The following SDK2 variants were observed in gnomAD, a reference collection of about 807,000 sequenced individuals.
The protein encoded by SDK2 is protein sidekick-2.
Under a neutral mutation model 253.9 loss-of-function variants are expected in SDK2, and 105 were observed. The ratio of observed to expected loss-of-function variants is 0.41; its 90% CI spans 0.35 to 0.49. The LOEUF (loss-of-function observed/expected upper bound fraction) is 0.49. Among genes scored for constraint, SDK2 ranks in the 20% least tolerant of loss-of-function variants. The pLI is 0.06. For missense variants in SDK2, 2,608 were observed against 3,003.0 expected (o/e 0.87, Z 3.07); for synonymous variants, 1,249 against 1,234.9 (o/e 1.01, Z -0.24).
Position 73,447,645 on chromosome 17 carries a change from T to C in SDK2, c.583A>G (p.Thr195Ala), listed in dbSNP as rs767139377. ...ACGGTGAGCGTGATGGGCTGGCTGG[T>C]CTTGTTATCCCCGTTTTTGTCGTTA... ...AVNDKNGDNK[T>A]SQPITLTVEN... is the part of the protein sequence containing the mutation. The change falls in exon 5 of 45, where the codon ACC becomes GCC. Residue 195 changes from threonine (T) to alanine (A), a missense_variant. This residue lies in a region of SDK2 where 1,505 missense variants were observed against 1,859.1 expected (regional missense o/e 0.81). Transcript: ENST00000392650. The surrounding 1 kb of genome is among the most constrained non-coding windows in gnomAD (Gnocchi z 4.0). The C allele has an allele frequency of 6.4e-7, 1 of 1,551,748 alleles. No individual in the cohort carries two copies. The highest frequency in any genetic ancestry group is 8.7e-7 in the Non-Finnish European group (1 of 1,147,018).
At chr17:73,588,784 C>T (rs1052295587) in intron 1 of SDK2, among the ~76,000 whole-genome samples, 18 of 152,222 alleles carry the variant, frequency 1.2e-4, no homozygotes, top group African/African-American at 3.9e-4. Flanking sequence ...AGGGCCGGGG[C>T]GGCACAGTTC....
intron 2 of SDK2, among the ~76,000 whole-genome samples, chr17:73,499,953 G>T (rs2063873611): frequency 6.6e-6 from 1 of 150,550 alleles, no homozygotes; most frequent in African/African-American, 2.4e-5. Context: ...TCTTCTATTC[G>T]ATTTTAAGTG....
chr17:73,632,946 T>C (rs1197408932), intron 1 of SDK2, among the ~76,000 whole-genome samples: 4 of 152,112 alleles, frequency 2.6e-5, no homozygotes, highest in Admixed American at 2.6e-4. Flanking sequence ...TGGGATAGAA[T>C]TTAGATAGCC....
chr17:73,596,570 G>A (rs2045761621), intron 1 of SDK2, among the ~76,000 whole-genome samples: 1 of 152,188 alleles, frequency 6.6e-6, no homozygotes, highest in Non-Finnish European at 1.5e-5. Flanking sequence ...GGGGGCGCTG[G>A]CTCATGATGT....
At chr17:73,545,539 CAAGCA>C (rs1199605129) in intron 1 of SDK2, among the ~76,000 whole-genome samples, 2 of 152,138 alleles carry the variant, frequency 1.3e-5, no homozygotes, top group African/African-American at 4.8e-5. Context: ...TGCCCTGCCG[CAAGCA>C]GGCAAAGGGA....
intron 2 of SDK2, among the ~76,000 whole-genome samples, chr17:73,473,246 T>A (rs2063664398): frequency 6.6e-6 from 1 of 152,084 alleles, no homozygotes; most frequent in Non-Finnish European, 1.5e-5. Flanking sequence ...TGGGAGCAGG[T>A]GTATGTACAT....
At position 73,383,615 on chromosome 17, in the gene SDK2, C is replaced by T. The variant is rs1409960144; in HGVS notation, c.4705+261G>A. On this transcript the variant is annotated intron_variant, in intron 33 of 44. Transcript: ENST00000392650. This position sits in a 1 kb window ranked among gnomAD's most constrained non-coding sequence, Gnocchi z 4.3. The stretch of plus-strand genomic sequence containing the variant: ...CTTCCCAGCTCGCCTGGCTCCTCCT[C>T]CAGCCTGCAACTCCAAGAGGGCAGG... 6.6e-6 allele frequency among the ~76,000 whole-genome samples: 1 copy of T among 152,224 alleles called. No homozygotes were observed. Among genetic ancestry groups the T allele is most frequent in the Non-Finnish European group, 1.5e-5 (1 of 68,036 alleles).
intron 2 of SDK2, among the ~76,000 whole-genome samples, chr17:73,482,278 A>AAAAG (rs113900449): frequency 0.38 from 57,482 of 150,888 alleles, 11,143 homozygotes; most frequent in East Asian, 0.44. Flanking sequence ...TCAAAAAAAA[A>AAAAG]AAGAAGAAGA....
At chr17:73,608,336 T>C (rs369972138) in intron 1 of SDK2, among the ~76,000 whole-genome samples, 8 of 152,284 alleles carry the variant, frequency 5.3e-5, no homozygotes, top group African/African-American at 1.9e-4. Flanking sequence ...CATCCCATCG[T>C]GTCAGGGTGC....
chr17:73,578,735 T>G (rs2045492222), intron 1 of SDK2, among the ~76,000 whole-genome samples: 1 of 152,022 alleles, frequency 6.6e-6, no homozygotes, highest in Non-Finnish European at 1.5e-5. Flanking sequence ...GAGGCTGAGT[T>G]AGCTGGAGCA....
intron 1 of SDK2, among the ~76,000 whole-genome samples, chr17:73,543,515 C>A (rs903188583): frequency 1.3e-5 from 2 of 152,250 alleles, no homozygotes; most frequent in Non-Finnish European, 2.9e-5. Flanking sequence ...AGACAGAGAA[C>A]CACTCTTCAG....
At chr17:73,633,755 A>G (rs2046297159) in intron 1 of SDK2, among the ~76,000 whole-genome samples, 1 of 152,236 alleles carries the variant, frequency 6.6e-6, no homozygotes, top group African/African-American at 2.4e-5. Context: ...TTCAGAATCA[A>G]CAAGGCCAAA....
intron 44 of SDK2, among the ~76,000 whole-genome samples, chr17:73,346,073 G>A (rs1381170256): frequency 2.6e-5 from 4 of 152,046 alleles, no homozygotes; most frequent in Admixed American, 1.3e-4. Context: ...GGGCATGGTG[G>A]CACACGCGTG....
Position 73,337,053 on chromosome 17 carries a change from A to ATGTGTGTATG in SDK2, c.*1533_*1534insCATACACACA, listed in dbSNP as rs2062385682. On this transcript the variant is annotated 3_prime_UTR_variant, in exon 45 of 45. Coordinates refer to ENST00000392650, the MANE Select transcript of SDK2 (RefSeq NM_001144952.2). ...TCCTTGGAGCAGATTGTGTATGTGT[A>ATGTGTGTATG]TGTGTGTGTGTGTGTGTGTGTGTGT... 1 of 148,710 alleles carries ATGTGTGTATG rather than the reference A, an allele frequency of 6.7e-6. No homozygotes were observed. The highest frequency in any genetic ancestry group is 1.5e-5 in the Non-Finnish European group (1 of 66,860). 9.2% of individuals were successfully genotyped at this position (148,710 alleles called of 1,614,324 possible).
chr17:73,498,376 T>C (rs548506912), intron 2 of SDK2, among the ~76,000 whole-genome samples: 24 of 152,318 alleles, frequency 1.6e-4, no homozygotes, highest in African/African-American at 5.3e-4. Flanking sequence ...TCCTCAGCCA[T>C]GGTACTTAGA....
intron 1 of SDK2, among the ~76,000 whole-genome samples, chr17:73,593,062 G>T (rs1016350893): frequency 6.6e-6 from 1 of 151,596 alleles, no homozygotes; most frequent in East Asian, 1.9e-4. Context: ...AGGGTTGGGT[G>T]GGGGGGATTG....
Position 73,616,971 on chromosome 17 carries a change from A to C in SDK2, c.64+27054T>G, listed in dbSNP as rs1367512078. 1.3e-5 allele frequency among the ~76,000 whole-genome samples: 2 copies of C among 152,098 alleles called. No homozygotes were observed. Among genetic ancestry groups the C allele is most frequent in the African/African-American group, 4.8e-5 (2 of 41,430 alleles). ...TGCTGGGATGAGAGGGCGGGTTTTC[A>C]CAGGCCCATGCATGGCACATGGGAG... On this transcript the variant is annotated intron_variant, in intron 1 of 44. Coordinates refer to ENST00000392650, the MANE Select transcript of SDK2 (RefSeq NM_001144952.2). This position sits in a 1 kb window ranked among gnomAD's most constrained non-coding sequence, Gnocchi z 5.2.
chr17:73,366,149 C>T (rs1250978001), intron 37 of SDK2, among the ~76,000 whole-genome samples: 5 of 152,304 alleles, frequency 3.3e-5, no homozygotes, highest in East Asian at 3.9e-4. Context: ...GACCTGCTTC[C>T]GGCTCCAGCC....
intron 1 of SDK2, among the ~76,000 whole-genome samples, chr17:73,551,042 C>T (rs184195704): frequency 7.2e-4 from 109 of 152,256 alleles, no homozygotes; most frequent in South Asian, 2.7e-3. Flanking sequence ...CCTGGGAAGC[C>T]AGGAAGACAG....
Sources: allele counts gnomAD v4.1 joint callset (sites outside exome capture counted in the v4.1 genomes callset), GRCh38; gene constraint gnomAD v4.1.1; regional missense constraint gnomAD v4.1.1; non-coding constraint Gnocchi (gnomAD v3.1); transcripts MANE v1.5; gene names NCBI Gene and HGNC (gene_info 2026-07-23, HGNC 2026-07-21).